NR2F1-AS1: variants seen among roughly 807,000 people sequenced by gnomAD.
NR2F1-AS1 encodes NR2F1 antisense RNA 1.
Position 93,520,684 on chromosome 5 carries a change from G to A in NR2F1-AS1, n.638+33077C>T, listed in dbSNP as rs915959692. ...CTCTAATGAATCCAAATAAATTCTC[G>A]TCTTCCATCAAAAACAAAACAAAGG... On this transcript the variant is annotated intron_variant and non_coding_transcript_variant, in intron 4 of 5. Transcript: ENST00000660523. Among the ~76,000 whole-genome samples the A allele has an allele frequency of 2.0e-4, 30 of 152,020 alleles. No homozygotes were observed. In the South Asian group the frequency reaches 5.0e-3, roughly 25 times the overall value.
chr5:93,567,574 C>A (rs979067108), intron 1 of NR2F1-AS1, among the ~76,000 whole-genome samples: 3 of 152,136 alleles, frequency 2.0e-5, no homozygotes, highest in African/African-American at 7.2e-5. Flanking sequence ...AAAGAGAAAT[C>A]AATGAAACAA....
At chr5:93,585,041 C>A, upstream of NR2F1-AS1, 1 of 1,033,872 alleles carries the variant, frequency 9.7e-7, no homozygotes, top group East Asian at 8.8e-5. Flanking sequence ...TGGTAGTTAG[C>A]AGCTGGCGAG....
At chr5:93,441,059 A>G (rs1749558061) in intron 4 of NR2F1-AS1, among the ~76,000 whole-genome samples, 2 of 152,186 alleles carry the variant, frequency 1.3e-5, no homozygotes. Flanking sequence ...ATATTTCTTC[A>G]CCTTTGAAAA....
intron 4 of NR2F1-AS1, among the ~76,000 whole-genome samples, chr5:93,553,309 C>T (rs1043156078): frequency 9.9e-5 from 15 of 152,020 alleles, no homozygotes; most frequent in African/African-American, 3.6e-4. Flanking sequence ...AGGCTGGTTT[C>T]GAACTTCTGG....
intron 4 of NR2F1-AS1, chr5:93,495,987 C>T (rs1250807644): frequency 6.6e-6 from 1 of 151,936 alleles, no homozygotes; most frequent in Non-Finnish European, 1.5e-5. Flanking sequence ...CCATACATAC[C>T]TATGATTTGA....
At chr5:93,441,470 A>T (rs767935950) in intron 4 of NR2F1-AS1, among the ~76,000 whole-genome samples, 6 of 152,160 alleles carry the variant, frequency 3.9e-5, no homozygotes, top group Non-Finnish European at 8.8e-5. Flanking sequence ...AACAGTGCAA[A>T]CAGCTGAGGG....
chr5:93,450,270 T>C (rs1749798633), intron 4 of NR2F1-AS1, among the ~76,000 whole-genome samples: 1 of 152,212 alleles, frequency 6.6e-6, no homozygotes, highest in South Asian at 2.1e-4. Context: ...CAAAAGCAAT[T>C]TATTTCATGT....
chr5:93,457,494 A>C (rs1749976971), intron 4 of NR2F1-AS1, among the ~76,000 whole-genome samples: 2 of 152,222 alleles, frequency 1.3e-5, no homozygotes, highest in African/African-American at 2.4e-5. Flanking sequence ...AATTTTTCTT[A>C]GTACAGAACA....
intron 4 of NR2F1-AS1, among the ~76,000 whole-genome samples, chr5:93,450,631 G>A (rs1749807263): frequency 6.6e-6 from 1 of 152,090 alleles, no homozygotes; most frequent in South Asian, 2.1e-4. Context: ...GTGTGTCAAG[G>A]GATTTTAAGA....
intron 4 of NR2F1-AS1, among the ~76,000 whole-genome samples, chr5:93,491,322 A>C (rs1414226394): frequency 7.0e-6 from 1 of 141,888 alleles, no homozygotes; most frequent in Non-Finnish European, 1.5e-5. Context: ...TGTCCTGGTA[A>C]TGGTGGTATT....
intron 4 of NR2F1-AS1, among the ~76,000 whole-genome samples, chr5:93,491,683 A>C (rs763831829): frequency 2.0e-5 from 3 of 152,076 alleles, no homozygotes; most frequent in Non-Finnish European, 4.4e-5. Flanking sequence ...GGGAGAGCAA[A>C]TGTTCTCTCT....
At chr5:93,569,711 C>G (rs1404651415) in intron 1 of NR2F1-AS1, among the ~76,000 whole-genome samples, 2 of 152,228 alleles carry the variant, frequency 1.3e-5, no homozygotes, top group Non-Finnish European at 2.9e-5. Context: ...ATGTTATTAC[C>G]TCTAAGATGA....
Position 93,505,825 on chromosome 5 carries a change from T to C in NR2F1-AS1, n.638+47936A>G, listed in dbSNP as rs1329034926. Among the ~76,000 whole-genome samples, 3 of 152,194 alleles carry C rather than the reference T, an allele frequency of 2.0e-5. No individual in the cohort carries two copies. The East Asian group carries it at 5.8e-4, about 29-fold the overall frequency. On this transcript the variant is annotated intron_variant and non_coding_transcript_variant, in intron 4 of 5. Coordinates refer to ENST00000660523, the Ensembl canonical transcript of NR2F1-AS1. ...AGGCTTGTGATGGGAGGGCCTGCTG[T>C]GAAGGTCTCTGACATGGCCTAGAGA...
intron 4 of NR2F1-AS1, among the ~76,000 whole-genome samples, chr5:93,487,978 A>G (rs1750762160): frequency 6.6e-6 from 1 of 152,228 alleles, no homozygotes; most frequent in Admixed American, 6.5e-5. Flanking sequence ...GTTGACAAAA[A>G]CAAGCAATGT....
chr5:93,511,544 A>T (rs1019785883), intron 4 of NR2F1-AS1, among the ~76,000 whole-genome samples: 2 of 152,190 alleles, frequency 1.3e-5, no homozygotes, highest in African/African-American at 4.8e-5. Context: ...TGGTCTCAAA[A>T]GATTATATGG....
intron 4 of NR2F1-AS1, among the ~76,000 whole-genome samples, chr5:93,516,001 A>G (rs950389991): frequency 4.6e-5 from 7 of 151,936 alleles, no homozygotes; most frequent in African/African-American, 1.7e-4. Context: ...CCAAGTTTTC[A>G]TAGTTAATAT....
At position 93,542,166 on chromosome 5, in the gene NR2F1-AS1, C is replaced by T. The variant is rs73772366; in HGVS notation, n.638+11595G>A. 186 of 149,278 alleles carry T rather than the reference C, an allele frequency of 1.2e-3. 1 individual carries two copies. Among genetic ancestry groups the T allele is most frequent in the African/African-American group, 4.4e-3 (177 of 40,354 alleles). The allele number at this position is 149,278 out of a possible 1,614,324, so 9.2% of individuals were successfully genotyped here. A position where few individuals can be genotyped will look rare whatever the true frequency, so the allele number is the denominator to read the frequency against. On this transcript the variant is annotated intron_variant and non_coding_transcript_variant, in intron 4 of 5. Coordinates refer to ENST00000660523, the Ensembl canonical transcript of NR2F1-AS1. ...AAAATGTGACCTTGATAGTAATACTCATGAAGAACAAAAACTGGCTTAGAA... is the reference window on the plus strand; with the variant it reads ...AAAATGTGACCTTGATAGTAATACTTATGAAGAACAAAAACTGGCTTAGAA...
chr5:93,452,175 C>CA (rs771256515), intron 4 of NR2F1-AS1, among the ~76,000 whole-genome samples: 26 of 149,336 alleles, frequency 1.7e-4, no homozygotes, highest in East Asian at 7.8e-4. Flanking sequence ...AGCAGAAGTA[C>CA]AAAAAAAAAC....
intron 4 of NR2F1-AS1, among the ~76,000 whole-genome samples, chr5:93,538,290 T>G (rs1192880151): frequency 6.6e-6 from 1 of 152,022 alleles, no homozygotes; most frequent in Non-Finnish European, 1.5e-5. Context: ...CTGGACAATA[T>G]AGTAAAACTC....
Sources: gnomAD v4.1 joint callset for allele counts (sites outside exome capture counted in the v4.1 genomes callset) on GRCh38, gnomAD v4.1.1 for gene constraint, MANE v1.5 for transcripts, NCBI Gene and HGNC (gene_info 2026-07-23, HGNC 2026-07-21) for gene names.